Variants in ZNF257 observed in about 807,000 individuals in gnomAD.
ZNF257 encodes the protein zinc finger protein 257, also known as bone marrow zinc finger 4.
In ZNF257, 12 loss-of-function variants were observed where a neutral mutation model predicts 11.9. The ratio of observed to expected loss-of-function variants is 1.01; its 90% CI spans 0.65 to 1.63. The LOEUF (loss-of-function observed/expected upper bound fraction) is 1.63, where lower values mean the gene tolerates loss of function less well. Ranked by LOEUF, ZNF257 falls within the 40% of genes most tolerant of loss-of-function variation. ZNF257 has a pLI of 0.00. For missense variants in ZNF257, 580 were observed against 665.5 expected (o/e 0.87, Z 1.41); for synonymous variants, 183 against 222.7 (o/e 0.82, Z 1.59).
intron 3 of ZNF257, among the ~76,000 whole-genome samples, chr19:22,087,774 A>C (rs547533676): frequency 6.6e-6 from 1 of 152,152 alleles, no homozygotes; most frequent in South Asian, 2.1e-4. Context: ...TTACACACTT[A>C]ACTCATTTAT....
At chr19:22,056,763 C>T (rs1003892438) in intron 1 of ZNF257, among the ~76,000 whole-genome samples, 3 of 152,152 alleles carry the variant, frequency 2.0e-5, no homozygotes, top group Non-Finnish European at 4.4e-5. Context: ...CAGGTGTAAG[C>T]CACCGCGCCC....
In ZNF257 at chr19:22,062,223, C is replaced by CTTTTT. The variant is rs34283330; in HGVS notation, c.3+9604_3+9608dup. ...TTGCAGGCACCCACCACTGCGCCTG[C>CTTTTT]TTTTTTTTTTTTTTTTTTTTGAGAC... On this transcript the variant is annotated intron_variant, in intron 1 of 3. Transcript: ENST00000594947. 3.8e-3 allele frequency among the ~76,000 whole-genome samples: 388 copies of CTTTTT among 101,760 alleles called. 3 individuals carry two copies. The highest frequency in any genetic ancestry group is 0.014 in the African/African-American group (347 of 25,376). 66.8% of individuals were successfully genotyped at this position (101,760 alleles called of 152,430 possible). A position where few individuals can be genotyped will look rare whatever the true frequency, so the allele number is the denominator to read the frequency against.
intron 1 of ZNF257, among the ~76,000 whole-genome samples, chr19:22,071,576 C>G (rs1165020695): frequency 6.6e-6 from 1 of 151,988 alleles, no homozygotes; most frequent in Non-Finnish European, 1.5e-5. Flanking sequence ...CTTTACTTCT[C>G]TACTTGTTTT....
intron 3 of ZNF257, among the ~76,000 whole-genome samples, 199 bp from the exon 4 acceptor site, chr19:22,087,778 C>CAGGGATAAT (rs2022508592): frequency 2.0e-5 from 3 of 152,090 alleles, no homozygotes; most frequent in African/African-American, 7.2e-5. Flanking sequence ...ACACTTAACT[C>CAGGGATAAT]ATTTATAAAT....
In ZNF257 at chr19:22,052,699, C is replaced by T. The variant is rs901586508; in HGVS notation, c.3+64C>T. Reference sequence around the variant, plus strand: ...GGGGTGGTTGGAACCTGTGGGAAGTCGCTGTGGCGGGACTCAGGCCTCCTT... The same window carrying T: ...GGGGTGGTTGGAACCTGTGGGAAGTTGCTGTGGCGGGACTCAGGCCTCCTT... On this transcript the variant is annotated intron_variant, in intron 1 of 3. Transcript: ENST00000594947. The T allele has an allele frequency of 1.0e-4, 164 of 1,585,938 alleles. 1 individual carries two copies. The Admixed American group carries it at 2.7e-3, about 26-fold the overall frequency.
chr19:22,083,697 A>G (rs1369289979), intron 3 of ZNF257, among the ~76,000 whole-genome samples: 1 of 152,158 alleles, frequency 6.6e-6, no homozygotes. Flanking sequence ...GGCACTTTTG[A>G]AACACCACTC....
chr19:22,056,258 C>T (rs1039905288), intron 1 of ZNF257, among the ~76,000 whole-genome samples: 12 of 151,922 alleles, frequency 7.9e-5, no homozygotes, highest in South Asian at 2.1e-4. Context: ...TTGAGACTAA[C>T]CTGGGCAACA....
chr19:22,068,110 G>A (rs10411502), intron 1 of ZNF257, among the ~76,000 whole-genome samples: 7,110 of 145,796 alleles, frequency 0.049, 614 homozygotes, highest in African/African-American at 0.17. Flanking sequence ...TCCCAAAATC[G>A]TTTGTTACTA....
chr19:22,083,779 T>C (rs889657705), intron 3 of ZNF257, among the ~76,000 whole-genome samples: 8 of 152,184 alleles, frequency 5.3e-5, no homozygotes, highest in African/African-American at 1.9e-4. Context: ...GGCTGGCTTA[T>C]GTCACTTTGC....
intron 3 of ZNF257, among the ~76,000 whole-genome samples, chr19:22,078,866 C>T (rs1402353388): frequency 6.7e-6 from 1 of 148,300 alleles, no homozygotes; most frequent in Non-Finnish European, 1.5e-5. Context: ...AATCTCTGCT[C>T]ACTGCAGCCT....
At chr19:22,075,854 G>C (rs912084414) in intron 3 of ZNF257, 1 of 152,116 alleles carries the variant, frequency 6.6e-6, no homozygotes, top group African/African-American at 2.4e-5. Context: ...TTACAGGTTT[G>C]AGCCATGAGG....
intron 3 of ZNF257, among the ~76,000 whole-genome samples, chr19:22,086,854 C>T (rs555953032): frequency 2.0e-4 from 31 of 151,448 alleles, no homozygotes; most frequent in Admixed American, 5.9e-4. Context: ...GAGATTGTCT[C>T]GTCTGTGACA....
At chr19:22,069,229 G>A (rs73930393) in intron 1 of ZNF257, among the ~76,000 whole-genome samples, 7,589 of 152,160 alleles carry the variant, frequency 0.05, 659 homozygotes, top group African/African-American at 0.17. Context: ...CTGGATAAAC[G>A]ATGAATTAAG....
chr19:22,081,159 G>A (rs973512252), intron 3 of ZNF257, among the ~76,000 whole-genome samples: 1 of 151,868 alleles, frequency 6.6e-6, no homozygotes, highest in African/African-American at 2.4e-5. Flanking sequence ...TTAAAGGCAT[G>A]AGCCACCATG....
intron 3 of ZNF257, among the ~76,000 whole-genome samples, chr19:22,083,532 AAC>A (rs1324088141): frequency 2.0e-5 from 3 of 152,204 alleles, no homozygotes; most frequent in Non-Finnish European, 4.4e-5. Flanking sequence ...ACTTGTCAAA[AAC>A]ACATAATAAT....
intron 1 of ZNF257, among the ~76,000 whole-genome samples, chr19:22,055,730 T>G (rs994094676): frequency 1.3e-5 from 2 of 152,070 alleles, no homozygotes; most frequent in Non-Finnish European, 2.9e-5. Context: ...CACATTTGTT[T>G]CTTAATCAGC....
chr19:22,085,687 C>G (rs900049192), intron 3 of ZNF257, among the ~76,000 whole-genome samples: 3 of 141,392 alleles, frequency 2.1e-5, no homozygotes, highest in Non-Finnish European at 4.5e-5. Context: ...TACACACACA[C>G]ATGCACACAC....
intron 3 of ZNF257, among the ~76,000 whole-genome samples, chr19:22,076,545 A>G (rs530165173): frequency 3.4e-4 from 52 of 152,232 alleles, no homozygotes; most frequent in Admixed American, 1.3e-3. Flanking sequence ...CCTGCCTTCC[A>G]TGAGTACACA....
At chr19:22,077,972 G>A (rs1007336783) in intron 3 of ZNF257, among the ~76,000 whole-genome samples, 1 of 151,644 alleles carries the variant, frequency 6.6e-6, no homozygotes, top group African/African-American at 2.4e-5. Flanking sequence ...AGGCACGGTG[G>A]CTCATGCTTG....
Sources: allele counts gnomAD v4.1 joint callset (sites outside exome capture counted in the v4.1 genomes callset), GRCh38; gene constraint gnomAD v4.1.1; transcripts MANE v1.5; gene names NCBI Gene and HGNC (gene_info 2026-07-23, HGNC 2026-07-21).